DLG2: variants seen among roughly 807,000 people sequenced by gnomAD.
DLG2 encodes the protein discs large MAGUK scaffold protein 2.
A neutral mutation model predicts 132.5 loss-of-function variants in DLG2; 45 were observed. That is an observed-to-expected ratio of 0.34 (90% CI 0.27 to 0.44). The LOEUF is 0.44. Ranked by LOEUF, DLG2 falls within the 20% of genes least tolerant of loss-of-function variation. The pLI is 1.00. For synonymous variants in DLG2, 424 were observed against 419.6 expected (o/e 1.01, Z -0.13); for missense variants, 1,045 against 1,196.9 (o/e 0.87, Z 1.87).
intron 15 of DLG2, among the ~76,000 whole-genome samples, chr11:83,923,133 G>A (rs75195139): frequency 0.079 from 11,992 of 152,198 alleles, 669 homozygotes; most frequent in Non-Finnish European, 0.12. Flanking sequence ...TATGACCTCA[G>A]GGGATTTGCC....
intron 7 of DLG2, chr11:84,317,323 C>A: frequency 1.4e-6 from 2 of 1,424,264 alleles, no homozygotes; most frequent in South Asian, 3.0e-5. Flanking sequence ...ACAGCAGCTC[C>A]GCACAGCATT....
At chr11:85,300,048 T>C (rs756618374) in intron 3 of DLG2, among the ~76,000 whole-genome samples, 9 of 152,218 alleles carry the variant, frequency 5.9e-5, no homozygotes, top group Non-Finnish European at 8.8e-5. Flanking sequence ...CACTCATTTC[T>C]TCAACAAATA....
chr11:83,738,694 C>T (rs1325377414), intron 18 of DLG2, among the ~76,000 whole-genome samples: 1 of 152,128 alleles, frequency 6.6e-6, no homozygotes, highest in Non-Finnish European at 1.5e-5. Flanking sequence ...GATTCTCCAT[C>T]CACCCAAATC....
chr11:84,588,102 T>C (rs2099534082), intron 6 of DLG2, among the ~76,000 whole-genome samples: 1 of 152,158 alleles, frequency 6.6e-6, no homozygotes, highest in Non-Finnish European at 1.5e-5. Flanking sequence ...ACACACACTG[T>C]TCTAGGCTCA....
At chr11:85,467,800 G>C (rs926746746) in intron 3 of DLG2, among the ~76,000 whole-genome samples, 1 of 152,130 alleles carries the variant, frequency 6.6e-6, no homozygotes, top group Non-Finnish European at 1.5e-5. Flanking sequence ...GCCAGGCTTT[G>C]GTATCAGGAT....
At chr11:83,526,105 C>A (rs2195801) in intron 21 of DLG2, among the ~76,000 whole-genome samples, 103,119 of 152,024 alleles carry the variant, frequency 0.68, 35,796 homozygotes, top group African/African-American at 0.8. Flanking sequence ...TCAACCTATC[C>A]CTGTAGCTTC....
intron 4 of DLG2, among the ~76,000 whole-genome samples, chr11:85,240,523 AT>A (rs1369792390): frequency 6.6e-6 from 1 of 151,778 alleles, no homozygotes; most frequent in Non-Finnish European, 1.5e-5. Context: ...ACTCAAATAT[AT>A]TTTATATTAA....
chr11:84,393,276 C>G (rs971253025), intron 7 of DLG2, among the ~76,000 whole-genome samples: 11 of 152,100 alleles, frequency 7.2e-5, no homozygotes, highest in African/African-American at 2.7e-4. Flanking sequence ...TATATATAAA[C>G]TTATCTTTTG....
At position 83,466,748 on chromosome 11, in the gene DLG2, T is replaced by C. The variant is rs1256411981; in HGVS notation, c.2689A>G (p.Ile897Val). The C allele has an allele frequency of 6.2e-7, 1 of 1,613,664 alleles. No homozygotes were observed. The highest frequency in any genetic ancestry group is 8.5e-7 in the Non-Finnish European group (1 of 1,179,672). The stretch of plus-strand genomic sequence containing the variant: ...GACCTGGGTTTTATGAAGATGGCAA[T>C]GGGATAGAGCTGGGCAACTTGTAAC... ...KRLQVAQLYPIAIFIKPRSLE... is the reference protein window; with the variant it reads ...KRLQVAQLYPVAIFIKPRSLE... Residue 897 changes from isoleucine to valine, a missense_variant, in exon 26 of 28, where the codon ATT becomes GTT. Transcript: ENST00000376104.
At chr11:84,708,807 TCA>T (rs2060057285) in intron 6 of DLG2, among the ~76,000 whole-genome samples, 2 of 151,920 alleles carry the variant, frequency 1.3e-5, no homozygotes. Flanking sequence ...AGAAAATGTC[TCA>T]TTTTACAAAA....
At chr11:83,508,766 G>A (rs2094863931) in intron 21 of DLG2, among the ~76,000 whole-genome samples, 1 of 152,170 alleles carries the variant, frequency 6.6e-6, no homozygotes, top group South Asian at 2.1e-4. Flanking sequence ...GGCTTAGAGA[G>A]ATAACATAAT....
In DLG2 at chr11:83,863,883, G is replaced by C. The variant is rs557229348; in HGVS notation, c.1565+10537C>G. ...GAGGACAAGCAAGGACTTCAGGGAT[G>C]CAGTGAAAGCACTGTAAGAGAAGGG... On this transcript the variant is annotated intron_variant, in intron 16 of 27. Coordinates refer to ENST00000376104, the MANE Select transcript of DLG2 (RefSeq NM_001142699.3). Among the ~76,000 whole-genome samples the C allele has an allele frequency of 2.3e-3, 348 of 152,230 alleles. 1 individual carries two copies. The highest frequency in any genetic ancestry group is 3.4e-3 in the Non-Finnish European group (232 of 67,988).
At chr11:85,423,300 CTG>C (rs1176693049) in intron 3 of DLG2, among the ~76,000 whole-genome samples, 1 of 152,212 alleles carries the variant, frequency 6.6e-6, no homozygotes, top group Non-Finnish European at 1.5e-5. Context: ...GATCTCTCAG[CTG>C]TGGATACCAG....
In DLG2 at chr11:83,707,607, G is replaced by T. The variant is rs1356256941; in HGVS notation, c.1826-74282C>A. Among the ~76,000 whole-genome samples the T allele has an allele frequency of 2.0e-5, 3 of 152,218 alleles. No homozygotes were observed. In the South Asian group the frequency reaches 6.2e-4, roughly 32 times the overall value. On this transcript the variant is annotated intron_variant, in intron 18 of 27. Transcript: ENST00000376104. ...AATCGTTTGAACCTGGGAGGCAGAG[G>T]TTGCAGTGAGCTGAGGTGGTGCCAC...
At chr11:84,833,968 C>T (rs1455439261) in intron 6 of DLG2, among the ~76,000 whole-genome samples, 2 of 151,682 alleles carry the variant, frequency 1.3e-5, no homozygotes, top group Non-Finnish European at 1.5e-5. Flanking sequence ...CTACCATATG[C>T]TAACTTGGCA....
chr11:83,718,721 T>G (rs2087504292), intron 18 of DLG2, among the ~76,000 whole-genome samples: 1 of 151,988 alleles, frequency 6.6e-6, no homozygotes, highest in South Asian at 2.1e-4. Flanking sequence ...GGAGCCCAGT[T>G]AGGCAGCTGT....
chr11:83,774,789 T>G (rs1041011215), intron 18 of DLG2, among the ~76,000 whole-genome samples: 1 of 152,130 alleles, frequency 6.6e-6, no homozygotes, highest in Non-Finnish European at 1.5e-5. Context: ...ATTCTGAACA[T>G]TCTACATCCA....
chr11:83,791,368 G>A (rs2041513176), intron 17 of DLG2: 1 of 679,316 alleles, frequency 1.5e-6, no homozygotes, highest in East Asian at 2.7e-5. Context: ...TTTGCTTTTT[G>A]ATCTGTCTTT....
At chr11:84,181,438 G>A (rs778344832) in intron 8 of DLG2, among the ~76,000 whole-genome samples, 2 of 151,954 alleles carry the variant, frequency 1.3e-5, no homozygotes, top group Non-Finnish European at 2.9e-5. Flanking sequence ...GACAAAAATA[G>A]GATGAAAGAA....
Sources: allele counts gnomAD v4.1 joint callset (sites outside exome capture counted in the v4.1 genomes callset), GRCh38; gene constraint gnomAD v4.1.1; transcripts MANE v1.5; gene names NCBI Gene and HGNC (gene_info 2026-07-23, HGNC 2026-07-21).